Variants in BMPR1A observed in about 807,000 individuals in gnomAD.
BMPR1A encodes the protein bone morphogenetic protein receptor type-1A.
A neutral mutation model predicts 66.0 loss-of-function variants in BMPR1A; 7 were observed. The ratio of observed to expected loss-of-function variants is 0.11; its 90% CI spans 0.06 to 0.20. The LOEUF (loss-of-function observed/expected upper bound fraction) is 0.20, where lower values mean the gene tolerates loss of function less well. BMPR1A is among the 10% of genes least tolerant of loss of function. The pLI is 1.00. For synonymous variants in BMPR1A, 200 were observed against 229.7 expected (o/e 0.87, Z 1.17); for missense variants, 408 against 669.1 (o/e 0.61, Z 4.31).
At chr10:86,773,237 T>C (rs1435448145) in intron 1 of BMPR1A, among the ~76,000 whole-genome samples, 2 of 151,254 alleles carry the variant, frequency 1.3e-5, no homozygotes, top group African/African-American at 4.9e-5. Context: ...TCTTCAGTAA[T>C]AATAGACTAA....
chr10:86,880,463 G>A (rs140086462), intron 3 of BMPR1A, among the ~76,000 whole-genome samples: 5 of 152,180 alleles, frequency 3.3e-5, no homozygotes, highest in African/African-American at 7.2e-5. Flanking sequence ...TTTCTCCGTC[G>A]AAGACTGTAA....
intron 1 of BMPR1A, among the ~76,000 whole-genome samples, chr10:86,799,798 A>C (rs945475617): frequency 3.3e-5 from 5 of 152,128 alleles, no homozygotes; most frequent in African/African-American, 1.2e-4. Context: ...TCGACCTCCC[A>C]GCGTGCTGTG....
chr10:86,895,674 C>G (rs1264150437), intron 5 of BMPR1A, among the ~76,000 whole-genome samples: 1 of 152,174 alleles, frequency 6.6e-6, no homozygotes, highest in Non-Finnish European at 1.5e-5. Flanking sequence ...CTCACTCTAG[C>G]AGTAATTTTT....
intron 2 of BMPR1A, among the ~76,000 whole-genome samples, chr10:86,848,100 GT>G (rs1842511776): frequency 6.6e-6 from 1 of 151,734 alleles, no homozygotes; most frequent in Non-Finnish European, 1.5e-5. Flanking sequence ...CCTGGCTAAA[GT>G]TTTGTAGTTT....
chr10:86,850,627 T>G (rs547741451), intron 2 of BMPR1A, among the ~76,000 whole-genome samples: 4 of 151,968 alleles, frequency 2.6e-5, no homozygotes, highest in Admixed American at 6.6e-5. Context: ...AGCTCAAAGT[T>G]TTGTTGTTGT....
chr10:86,832,465 TAA>T (rs72199985), intron 1 of BMPR1A, among the ~76,000 whole-genome samples: 59 of 122,204 alleles, frequency 4.8e-4, no homozygotes, highest in Admixed American at 6.0e-4. Context: ...AAACTCCGTC[TAA>T]AAAAAAAAAA....
intron 3 of BMPR1A, among the ~76,000 whole-genome samples, chr10:86,883,034 TAGAG>T (rs981017556): frequency 6.6e-6 from 1 of 152,052 alleles, no homozygotes; most frequent in African/African-American, 2.4e-5. Context: ...TATGTCTAAG[TAGAG>T]AGAATAATAT....
chr10:86,889,005 CA>C (rs1356672439), intron 3 of BMPR1A, among the ~76,000 whole-genome samples: 1 of 152,072 alleles, frequency 6.6e-6, no homozygotes, highest in Admixed American at 6.6e-5. Flanking sequence ...TGTCTTGAAC[CA>C]CTTATTTAAC....
At chr10:86,833,183 T>C (rs903011879) in intron 1 of BMPR1A, among the ~76,000 whole-genome samples, 4 of 152,188 alleles carry the variant, frequency 2.6e-5, no homozygotes, top group Non-Finnish European at 1.5e-5. Context: ...CTGTCAGCAA[T>C]GTATGCGGGT....
chr10:86,797,068 C>CTT (rs780930060), intron 1 of BMPR1A, among the ~76,000 whole-genome samples: 17 of 105,024 alleles, frequency 1.6e-4, no homozygotes, highest in Admixed American at 3.1e-4. Context: ...CTTTTCTTTT[C>CTT]TTTTTTTTTT....
At chr10:86,830,606 G>A (rs946593643) in intron 1 of BMPR1A, among the ~76,000 whole-genome samples, 3 of 152,074 alleles carry the variant, frequency 2.0e-5, no homozygotes, top group Admixed American at 1.3e-4. Context: ...TTTCATGCGC[G>A]TATTTGCCGT....
At chr10:86,884,393 G>GTTTT (rs1843038088) in intron 3 of BMPR1A, among the ~76,000 whole-genome samples, 1 of 59,286 alleles carries the variant, frequency 1.7e-5, no homozygotes, top group African/African-American at 5.0e-5. Context: ...GCAAACACAT[G>GTTTT]ATTTTTTTTT....
chr10:86,776,401 G>A (rs1020358797), intron 1 of BMPR1A, among the ~76,000 whole-genome samples: 1 of 152,146 alleles, frequency 6.6e-6, no homozygotes, highest in African/African-American at 2.4e-5. Flanking sequence ...AAAATTCAAA[G>A]TTCGGTTAGT....
At chr10:86,879,188 T>A (rs1842956871) in intron 3 of BMPR1A, among the ~76,000 whole-genome samples, 1 of 152,190 alleles carries the variant, frequency 6.6e-6, no homozygotes, top group Non-Finnish European at 1.5e-5. Flanking sequence ...TGTCACAGTG[T>A]GGCTGCTGAG....
chr10:86,917,600 T>C (rs1843594452), intron 9 of BMPR1A, among the ~76,000 whole-genome samples: 1 of 152,242 alleles, frequency 6.6e-6, no homozygotes, highest in African/African-American at 2.4e-5. Context: ...CCCAGTCTTT[T>C]ATAGATAACT....
At chr10:86,878,034 A>G (rs1188277620) in intron 3 of BMPR1A, among the ~76,000 whole-genome samples, 1 of 152,248 alleles carries the variant, frequency 6.6e-6, no homozygotes, top group Non-Finnish European at 1.5e-5. Context: ...TTATTTTGAT[A>G]GTTGCTTCAA....
At position 86,803,004 on chromosome 10, in the gene BMPR1A, C is replaced by CAAAA. The variant is rs59957238; in HGVS notation, c.-267-35844_-267-35841dup. 5.7e-3 allele frequency among the ~76,000 whole-genome samples: 435 copies of CAAAA among 75,672 alleles called. 6 individuals carry two copies. Among genetic ancestry groups the CAAAA allele is most frequent in the East Asian group, 9.9e-3 (26 of 2,622 alleles). The allele number at this position is 75,672 out of a possible 152,430, so 49.6% of individuals were successfully genotyped here. A position where few individuals can be genotyped will look rare whatever the true frequency, so the allele number is the denominator to read the frequency against. On this transcript the variant is annotated intron_variant, in intron 1 of 12. Coordinates refer to ENST00000372037, the MANE Select transcript of BMPR1A (RefSeq NM_004329.3). ...TGGGCGACAGAGCAAGACCCGGTCT[C>CAAAA]AAAAAAAAAAAAAAAAAAAAGACCC... is the stretch of plus-strand genomic sequence containing the variant.
chr10:86,866,576 T>C (rs1446141884), intron 2 of BMPR1A, among the ~76,000 whole-genome samples: 1 of 151,652 alleles, frequency 6.6e-6, no homozygotes, highest in Admixed American at 6.6e-5. Context: ...GCCTGGCTAA[T>C]TTTTTGTATT....
chr10:86,764,854 C>T (rs1841137863), intron 1 of BMPR1A, among the ~76,000 whole-genome samples: 2 of 152,152 alleles, frequency 1.3e-5, no homozygotes, highest in African/African-American at 4.8e-5. Context: ...TGTAAAATAT[C>T]TCATTATGCT....
Sources: gnomAD v4.1 joint callset for allele counts (sites outside exome capture counted in the v4.1 genomes callset) on GRCh38, gnomAD v4.1.1 for gene constraint, MANE v1.5 for transcripts, NCBI Gene and HGNC (gene_info 2026-07-23, HGNC 2026-07-21) for gene names.